Variants in MYO19 observed in about 807,000 individuals in gnomAD.
MYO19 encodes the protein myosin XIX.
In MYO19, 132 loss-of-function variants were observed where a neutral mutation model predicts 129.2. That is an observed-to-expected ratio of 1.02 (90% confidence interval 0.89 to 1.18). The LOEUF is 1.18. MYO19 is among the 50% of genes most tolerant of loss of function. MYO19 has a pLI of 0.00. For missense variants in MYO19, 1,210 were observed against 1,216.7 expected, an observed-to-expected ratio of 0.99 and a Z score of 0.08; for synonymous variants, 531 against 477.2, an observed-to-expected ratio of 1.11 and a Z score of -1.47.
intron 13 of MYO19, among the ~76,000 whole-genome samples, chr17:36,510,418 T>C (rs533777088): frequency 2.6e-5 from 4 of 152,352 alleles, no homozygotes; most frequent in South Asian, 4.1e-4. Context: ...TAGATCACCT[T>C]TGGGGCCTGC....
At chr17:36,498,835 T>G in intron 24 of MYO19, 1 of 593,150 alleles carries the variant, frequency 1.7e-6, no homozygotes, top group Admixed American at 3.0e-5. Flanking sequence ...TTCTAAAGTG[T>G]ACATCCCAGA....
rs1397086501 is a variant in MYO19 at position 36,499,164 on chromosome 17, A to C, written c.2378-4T>G. 2 of 1,598,964 alleles carry C rather than the reference A, an allele frequency of 1.3e-6. No individual in the cohort carries two copies. The highest frequency in any genetic ancestry group is 2.3e-5 in the South Asian group (2 of 88,456). On this transcript the variant is annotated splice_region_variant and splice_polypyrimidine_tract_variant and intron_variant, in intron 23 of 25. Transcript: ENST00000614623. ...CGAGTTAACCAGGAACGAATGGCTAAGAGGTTTGCCCAGAAACAGGAAAGA... is the reference window on the plus strand; with the variant it reads ...CGAGTTAACCAGGAACGAATGGCTACGAGGTTTGCCCAGAAACAGGAAAGA...
At chr17:36,501,278 C>A in intron 21 of MYO19, 43 bp from the exon 22 acceptor site, 1 of 1,571,940 alleles carries the variant, frequency 6.4e-7, no homozygotes, top group Non-Finnish European at 8.7e-7. Flanking sequence ...GTCATCTCTA[C>A]ATGCCTCTGT....
chr17:36,538,629 G>A (rs751510787), upstream of MYO19: 5 of 1,531,330 alleles, frequency 3.3e-6, no homozygotes, highest in Admixed American at 2.0e-5. Context: ...AGCAGGAGTA[G>A]GATATATAAG....
chr17:36,523,953 C>T (rs974620371), intron 6 of MYO19, among the ~76,000 whole-genome samples: 1 of 152,084 alleles, frequency 6.6e-6, no homozygotes, highest in South Asian at 2.1e-4. Flanking sequence ...TGTAGTATTG[C>T]TTGATTTTTT....
At position 36,532,660 on chromosome 17, in the gene MYO19, C is replaced by T; in HGVS notation, c.-122G>A. ...ACAAAGGGCTCAGTTCTGGAGGAAT[C>T]TCAGACAAGTCACTCCAGCGCCTGT... is the stretch of plus-strand genomic sequence containing the variant. On this transcript the variant is annotated 5_prime_UTR_variant, in exon 3 of 26. Transcript: ENST00000614623. 2 of 1,213,442 alleles carry T rather than the reference C, an allele frequency of 1.6e-6. No homozygotes were observed. The highest frequency in any genetic ancestry group is 1.3e-5 in the South Asian group (1 of 76,614). 75.2% of individuals were successfully genotyped at this position (1,213,442 alleles called of 1,614,324 possible). A position where few individuals can be genotyped will look rare whatever the true frequency, so the allele number is the denominator to read the frequency against.
chr17:36,511,317 G>A (rs2072306457), intron 12 of MYO19, 48 bp downstream of exon 12: 2 of 1,541,640 alleles, frequency 1.3e-6, no homozygotes, highest in African/African-American at 1.4e-5. Context: ...CAGCAATGCT[G>A]GCTACCTTCC....
At chr17:36,538,592 A>T, upstream of MYO19, 1 of 1,604,012 alleles carries the variant, frequency 6.2e-7, no homozygotes, top group Non-Finnish European at 8.5e-7. Context: ...TATATTTGCA[A>T]GATAAGACTG....
chr17:36,541,715 A>G (rs1407399464), intron 2 of MYO19, among the ~76,000 whole-genome samples: 1 of 152,254 alleles, frequency 6.6e-6, no homozygotes, highest in Non-Finnish European at 1.5e-5. Flanking sequence ...AATAATAGGC[A>G]ACAGACAACT....
At chr17:36,509,382 C>T in intron 13 of MYO19, 1 of 570,164 alleles carries the variant, frequency 1.8e-6, no homozygotes. Flanking sequence ...GAAGACTGAG[C>T]ACAGGACAAG....
At chr17:36,538,580 A>C (rs371978705), upstream of MYO19, 11 of 1,612,644 alleles carry the variant, frequency 6.8e-6, no homozygotes, top group African/African-American at 1.3e-4. Flanking sequence ...TTGTATATGT[A>C]CTATATTTGC....
chr17:36,544,357 C>A (rs28362549), upstream of MYO19, among the ~76,000 whole-genome samples: 19 of 152,320 alleles, frequency 1.2e-4, no homozygotes, highest in East Asian at 3.5e-3. Flanking sequence ...TGTCAGGGCC[C>A]TTTTCTCCTC....
upstream of MYO19, chr17:36,537,438 C>G (rs1172504742): frequency 1.2e-6 from 2 of 1,614,134 alleles, no homozygotes; most frequent in Non-Finnish European, 1.7e-6. Context: ...CCTAAAAATC[C>G]TTGAAAAATT....
rs2072429881 is a variant in MYO19 at position 36,512,531 on chromosome 17, G to A, written c.894+898C>T. Reference sequence around the variant, plus strand: ...ACAACTTGCTCCAGAAGACTGCCATGCCCACCAGGCAGAAGGGCTGTGGCA... The same window carrying A: ...ACAACTTGCTCCAGAAGACTGCCATACCCACCAGGCAGAAGGGCTGTGGCA... On this transcript the variant is annotated intron_variant, in intron 11 of 25. Transcript: ENST00000614623. 6.7e-6 allele frequency: 7 copies of A among 1,046,018 alleles called. No individual in the cohort carries two copies. In the South Asian group the frequency reaches 8.3e-5, roughly 12 times the overall value. 64.8% of individuals were successfully genotyped at this position (1,046,018 alleles called of 1,614,324 possible). A position where few individuals can be genotyped will look rare whatever the true frequency, so the allele number is the denominator to read the frequency against.
intron 12 of MYO19, 27 bp from the exon 13 acceptor site, chr17:36,510,944 A>T: frequency 6.5e-7 from 1 of 1,549,882 alleles, no homozygotes; most frequent in Admixed American, 1.9e-5. Context: ...CTCTTTAGGC[A>T]AATCACTCTC....
chr17:36,507,375 C>G (rs756353134), intron 16 of MYO19, 24 bp downstream of exon 16: 2 of 1,600,312 alleles, frequency 1.2e-6, no homozygotes, highest in Non-Finnish European at 1.7e-6. Flanking sequence ...CTCTGGTGCT[C>G]GGCTCATTAG....
chr17:36,514,303 A>G (rs771499765), intron 9 of MYO19, 143 bp downstream of exon 9: 13 of 653,548 alleles, frequency 2.0e-5, no homozygotes, highest in South Asian at 1.8e-4. Context: ...TGCTGCATGT[A>G]AAGTCTGCAG....
chr17:36,528,005 C>T, intron 4 of MYO19, 59 bp downstream of exon 4: 1 of 1,580,422 alleles, frequency 6.3e-7, no homozygotes, highest in Non-Finnish European at 8.6e-7. Flanking sequence ...GTGCTGACTA[C>T]TCTCATTACA....
In MYO19 at chr17:36,495,745, G is replaced by C. The variant is rs2070910988; in HGVS notation, c.*506C>G. 4.8e-6 allele frequency: 6 copies of C among 1,245,580 alleles called. No individual in the cohort carries two copies. The South Asian group carries it at 2.0e-4, about 41-fold the overall frequency. 77.2% of individuals were successfully genotyped at this position (1,245,580 alleles called of 1,614,324 possible). A position where few individuals can be genotyped will look rare whatever the true frequency, so the allele number is the denominator to read the frequency against. On this transcript the variant is annotated 3_prime_UTR_variant, in exon 26 of 26. Coordinates refer to ENST00000614623, the MANE Select transcript of MYO19 (RefSeq NM_001163735.2). ...GTCAGTGTTAATAAAATCAAAACGT[G>C]ATTCTACTGTACATTGCATTATTCA...
Sources: allele counts gnomAD v4.1 joint callset (sites outside exome capture counted in the v4.1 genomes callset), GRCh38; gene constraint gnomAD v4.1.1; transcripts MANE v1.5; gene names NCBI Gene and HGNC (gene_info 2026-07-23, HGNC 2026-07-21).